Variants in TMTC4 observed in about 807,000 individuals in gnomAD.
TMTC4 encodes transmembrane O-mannosyltransferase targeting cadherins 4.
A neutral mutation model predicts 86.0 loss-of-function variants in TMTC4; 65 were observed. That is an observed-to-expected ratio of 0.76 (90% CI 0.62 to 0.93). The LOEUF (loss-of-function observed/expected upper bound fraction) is 0.93, where lower values mean the gene tolerates loss of function less well. Ranked by LOEUF, TMTC4 falls within the 40% of genes least tolerant of loss-of-function variation. TMTC4 has a pLI of 0.00. For synonymous variants in TMTC4, 379 were observed against 382.5 expected (o/e 0.99, Z 0.11); for missense variants, 866 against 948.1 (o/e 0.91, Z 1.14).
At chr13:100,655,899 G>C (rs1189663243) in intron 6 of TMTC4, among the ~76,000 whole-genome samples, 2 of 152,192 alleles carry the variant, frequency 1.3e-5, no homozygotes, top group Non-Finnish European at 2.9e-5. Flanking sequence ...GCAGTTGCAG[G>C]TGCTCCAAGA....
At chr13:100,632,015 CCACACACACACACACACA>C (rs60522457) in intron 12 of TMTC4, among the ~76,000 whole-genome samples, 1 of 99,358 alleles carries the variant, frequency 1.0e-5, no homozygotes, top group African/African-American at 4.2e-5. Flanking sequence ...TAAGAGGAAA[CCACACACACACACACACA>C]CACACACACA....
chr13:100,661,557 A>T (rs1885777341), intron 5 of TMTC4, among the ~76,000 whole-genome samples: 1 of 152,204 alleles, frequency 6.6e-6, no homozygotes, highest in African/African-American at 2.4e-5. Flanking sequence ...CCCAGAGAGA[A>T]CTCAGATCGA....
At chr13:100,638,123 A>C in intron 7 of TMTC4, 101 bp from the exon 8 acceptor site, 1 of 839,894 alleles carries the variant, frequency 1.2e-6, no homozygotes, top group Non-Finnish European at 1.9e-6. Flanking sequence ...CAAGGAACAC[A>C]TAGACTAGAG....
chr13:100,662,972 T>C lies in TMTC4; in HGVS notation c.544A>G (p.Thr182Ala). ...ALLFAVHPVH[T>A]ECVAGVVGRA... ...GGGCAGACGACACTTACACACTCGGTGTGCACAGGATGGACAGCAAACAGC... is the reference window on the plus strand; with the variant it reads ...GGGCAGACGACACTTACACACTCGGCGTGCACAGGATGGACAGCAAACAGC... Residue 182 changes from threonine to alanine, a missense_variant, in exon 5 of 19, where the codon ACC (threonine) becomes GCC (alanine). By Grantham distance (58) the Thr-to-Ala change is moderately conservative. Coordinates refer to ENST00000342624, the MANE Select transcript of TMTC4 (RefSeq NM_032813.5). The C allele has an allele frequency of 6.2e-7, 1 of 1,613,642 alleles. No individual in the cohort carries two copies. The highest frequency in any genetic ancestry group is 8.5e-7 in the Non-Finnish European group (1 of 1,179,956).
Position 100,650,572 on chromosome 13 carries a change from T to G in TMTC4, c.640+5809A>C, listed in dbSNP as rs1355405620. Among the ~76,000 whole-genome samples the G allele has an allele frequency of 3.3e-5, 5 of 152,244 alleles. No homozygotes were observed. The East Asian group carries it at 9.6e-4, about 29-fold the overall frequency. ...CGCCACCCCGACAGGTGGCCGCGAC[T>G]CTCTCTCTGCCAGAGCAACACAATG... On this transcript the variant is annotated intron_variant, in intron 6 of 18. Coordinates refer to ENST00000342624, the MANE Select transcript of TMTC4 (RefSeq NM_032813.5).
chr13:100,637,701 T>G lies in TMTC4; in HGVS notation c.836A>C (p.Asn279Thr). The change falls in exon 9 of 19, where the codon AAT (asparagine) becomes ACT (threonine). Residue 279 changes from asparagine to threonine, a missense_variant and splice_region_variant. Coordinates refer to ENST00000342624, the MANE Select transcript of TMTC4 (RefSeq NM_032813.5). ...GCCCCCGTTCCTGAGCATGCCGAGA[T>G]TCTGCAAGGACATCGCAAAGCCCCA... ...KVLHKDKSLENLGMLRNGGLL... is the reference protein window; with the variant it reads ...KVLHKDKSLETLGMLRNGGLL... 4 of 1,613,730 alleles carry G rather than the reference T, an allele frequency of 2.5e-6. No homozygotes were observed. In the South Asian group the frequency reaches 4.4e-5, roughly 18 times the overall value.
intron 17 of TMTC4, 111 bp from the exon 18 acceptor site, chr13:100,606,538 A>C: frequency 1.2e-6 from 1 of 817,966 alleles, no homozygotes; most frequent in Non-Finnish European, 2.0e-6. Flanking sequence ...CTTTTGTATC[A>C]ATGCATTCCT....
Position 100,664,291 on chromosome 13 carries a change from A to G in TMTC4, c.265T>C (p.Phe89Leu), listed in dbSNP as rs767610598. The G allele has an allele frequency of 3.1e-6, 5 of 1,612,250 alleles. No individual in the cohort carries two copies. Among genetic ancestry groups the G allele is most frequent in the Admixed American group, 3.3e-5 (2 of 59,858 alleles). ...TPLGDLWHHDFWGSRLSSNTS... is the reference protein window; with the variant it reads ...TPLGDLWHHDLWGSRLSSNTS... ...TTGCTGCTCAGTCTACTGCCCCAGA[A>G]GTCATGATGCCACAGGTCCCCCAGG... The change falls in exon 4 of 19, where the codon TTC (phenylalanine) becomes CTC (leucine). Residue 89 changes from phenylalanine (F) to leucine (L), a missense_variant. By Grantham distance (22) the Phe-to-Leu change is conservative (BLOSUM62 0). Transcript: ENST00000342624.
chr13:100,646,635 G>C (rs1883780343), intron 6 of TMTC4, among the ~76,000 whole-genome samples: 1 of 152,236 alleles, frequency 6.6e-6, no homozygotes, highest in South Asian at 2.1e-4. Context: ...CCCTTGGGCA[G>C]CGATCCTCCA....
intron 17 of TMTC4, among the ~76,000 whole-genome samples, chr13:100,609,544 T>C (rs1175555979): frequency 6.6e-6 from 1 of 152,136 alleles, no homozygotes; most frequent in African/African-American, 2.4e-5. Context: ...CTGAAAAACA[T>C]TACTTTTGTA....
intron 6 of TMTC4, among the ~76,000 whole-genome samples, chr13:100,649,689 C>A (rs1267239769): frequency 6.6e-6 from 1 of 151,846 alleles, no homozygotes; most frequent in Non-Finnish European, 1.5e-5. Flanking sequence ...GAATTCAGGT[C>A]TTTTTCACTT....
chr13:100,668,707 G>C lies in TMTC4; in HGVS notation c.91C>G (p.Leu31Val). The change falls in exon 3 of 19, where the codon CTT becomes GTT. Residue 31 changes from leucine (L) to valine (V), a missense_variant. Transcript: ENST00000342624. ...AATGGAGGAAGAACAGAAGATGGAAGAATGTGATCCAAATCAGTGTCCAAC... is the reference window on the plus strand; with the variant it reads ...AATGGAGGAAGAACAGAAGATGGAACAATGTGATCCAAATCAGTGTCCAAC... ...AVLDTDLDHI[L>V]PSSVLPPFWA... 2 of 1,614,254 alleles carry C rather than the reference G, an allele frequency of 1.2e-6. No individual in the cohort carries two copies. The highest frequency in any genetic ancestry group is 1.7e-6 in the Non-Finnish European group (2 of 1,180,050).
At chr13:100,659,455 C>T (rs1221560829) in intron 5 of TMTC4, among the ~76,000 whole-genome samples, 1 of 152,072 alleles carries the variant, frequency 6.6e-6, no homozygotes, top group African/African-American at 2.4e-5. Context: ...CTTAAGGGGG[C>T]CTGAGCTTCT....
intron 1 of TMTC4, chr13:100,674,019 A>T: frequency 1.0e-6 from 1 of 985,328 alleles, no homozygotes; most frequent in South Asian, 4.7e-5. Context: ...TGTGGTTTAA[A>T]AAAAAGAAAA....
Position 100,662,961 on chromosome 13 carries a change from TAC to T in TMTC4, c.552+1_552+2del. Reference sequence around the variant, plus strand: ...ACAGATGCCTCGGGCAGACGACACTTACACACTCGGTGTGCACAGGATGGACA... The same window carrying T: ...ACAGATGCCTCGGGCAGACGACACTTACACTCGGTGTGCACAGGATGGACA... On this transcript the variant is annotated splice_donor_variant, in intron 5 of 18. Transcript: ENST00000342624. LOFTEE classifies it high-confidence loss of function. 6.2e-7 allele frequency: 1 copy of T among 1,613,454 alleles called. No individual in the cohort carries two copies. The highest frequency in any genetic ancestry group is 8.5e-7 in the Non-Finnish European group (1 of 1,179,954).
chr13:100,625,260 G>A (rs1419522498), intron 15 of TMTC4: 3 of 428,930 alleles, frequency 7.0e-6, no homozygotes, highest in Non-Finnish European at 4.3e-6. Context: ...GTTTTACAGG[G>A]CGGACGGGAC....
rs377737614 is a variant in TMTC4, at chr13:100,611,446, G to A, written c.2064+952C>T. On this transcript the variant is annotated intron_variant, in intron 17 of 18. Coordinates refer to ENST00000342624, the MANE Select transcript of TMTC4 (RefSeq NM_032813.5). ...TAAAAATACAAAACATTAGCCGGGC[G>A]TGGTGGCGGGCGCCTATAGTCCCAG... is the stretch of plus-strand genomic sequence containing the variant. 2.6e-4 allele frequency among the ~76,000 whole-genome samples: 40 copies of A among 152,258 alleles called. No homozygotes were observed. In the South Asian group the frequency reaches 3.1e-3, roughly 12 times the overall value.
rs760424086 is a variant in TMTC4 at position 100,635,106 on chromosome 13, C to T, written c.1292G>A (p.Arg431His). The T allele has an allele frequency of 3.5e-5, 57 of 1,613,952 alleles. No homozygotes were observed. Among genetic ancestry groups the T allele is most frequent in the Non-Finnish European group, 4.3e-5 (51 of 1,180,028 alleles). ...CCCAACGCTGGGGAGGTAGAGGACA[C>T]GCTCTGCGACCACGAAGCCCACTCG... ...FFRVGFVVAE[R>H]VLYLPSVGYC... Residue 431 changes from arginine to histidine, a missense_variant, in exon 11 of 19, where the codon CGT becomes CAT. Arg to His is a conservative substitution (Grantham distance 29). Coordinates refer to ENST00000342624, the MANE Select transcript of TMTC4 (RefSeq NM_032813.5).
intron 15 of TMTC4, among the ~76,000 whole-genome samples, chr13:100,619,614 A>T (rs142738373): frequency 2.0e-5 from 3 of 151,396 alleles, no homozygotes; most frequent in African/African-American, 7.3e-5. Flanking sequence ...AGAAAAAGAA[A>T]GCTTTAATGA....
Sources: gnomAD v4.1 joint callset for allele counts (sites outside exome capture counted in the v4.1 genomes callset) on GRCh38, gnomAD v4.1.1 for gene constraint, MANE v1.5 for transcripts, NCBI Gene and HGNC (gene_info 2026-07-23, HGNC 2026-07-21) for gene names.